Variants in SLC2A13 observed in about 807,000 individuals in gnomAD.
The protein encoded by SLC2A13 is proton myo-inositol cotransporter.
In SLC2A13, 32 loss-of-function variants were observed where a neutral mutation model predicts 64.4. The ratio of observed to expected loss-of-function variants is 0.50; its 90% CI spans 0.37 to 0.67. SLC2A13 has a LOEUF of 0.67. SLC2A13 is among the 30% of genes least tolerant of loss of function. The pLI is 0.00. For synonymous variants in SLC2A13, 338 were observed against 327.1 expected (o/e 1.03, Z -0.36); for missense variants, 743 against 829.2 (o/e 0.90, Z 1.28).
chr12:40,103,343 T>C (rs929534490), intron 1 of SLC2A13, among the ~76,000 whole-genome samples: 2 of 152,234 alleles, frequency 1.3e-5, no homozygotes, highest in African/African-American at 2.4e-5. Flanking sequence ...TAAGAGCTTC[T>C]GGCTTCCCTC....
intron 7 of SLC2A13, among the ~76,000 whole-genome samples, chr12:39,820,139 T>C (rs117739265): frequency 0.013 from 1,963 of 151,866 alleles, 21 homozygotes; most frequent in Non-Finnish European, 0.018. Context: ...AGAAAAAAAA[T>C]GTAATTTTTG....
chr12:40,045,688 G>C (rs1474253103), intron 2 of SLC2A13, among the ~76,000 whole-genome samples: 1 of 151,984 alleles, frequency 6.6e-6, no homozygotes, highest in Non-Finnish European at 1.5e-5. Context: ...TATATCAACG[G>C]GAGTTAGTTT....
Position 40,028,492 on chromosome 12 carries a change from G to C in SLC2A13, c.734C>G (p.Ala245Gly), listed in dbSNP as rs1483434126. ...AAACTGTATAACCGCCGGAACTGCT[G>C]CAAGTCCCAACATGTACCTGCAAAG... ...KDGWRYMLGL[A>G]AVPAVIQFFG... Residue 245 changes from alanine to glycine, a missense_variant, in exon 3 of 10, where the codon GCA becomes GGA. Around this residue, in one of 2 missense-constraint regions of SLC2A13, gnomAD observed 448 missense variants for 447.4 expected, o/e 1.00. Coordinates refer to ENST00000280871, the MANE Select transcript of SLC2A13 (RefSeq NM_052885.4). 6.2e-7 allele frequency: 1 copy of C among 1,613,872 alleles called. No homozygotes were observed.
At chr12:39,907,627 C>A (rs1208255865) in intron 4 of SLC2A13, 1 of 152,106 alleles carries the variant, frequency 6.6e-6, no homozygotes, top group African/African-American at 2.4e-5. Context: ...AATTCCTCTA[C>A]CCATAGATTA....
At chr12:39,999,444 G>T (rs779693425) in intron 3 of SLC2A13, among the ~76,000 whole-genome samples, 3 of 152,012 alleles carry the variant, frequency 2.0e-5, no homozygotes, top group Non-Finnish European at 4.4e-5. Flanking sequence ...ATGGGGGGAG[G>T]TCTACAAACA....
intron 4 of SLC2A13, among the ~76,000 whole-genome samples, chr12:39,938,074 A>T (rs541920939): frequency 2.6e-4 from 40 of 152,262 alleles, no homozygotes; most frequent in African/African-American, 8.9e-4. Context: ...AAGAAGGTGG[A>T]TTAACGGTGG....
At chr12:39,856,589 G>A (rs1190380406) in intron 6 of SLC2A13, among the ~76,000 whole-genome samples, 3 of 152,174 alleles carry the variant, frequency 2.0e-5, no homozygotes, top group Middle Eastern at 3.4e-3. Flanking sequence ...GGATGGTCTC[G>A]ATCTCTTGAC....
chr12:40,105,419 C>T lies in SLC2A13; in HGVS notation c.390G>A (p.Ala130=), dbSNP rs781318834. Residue 130 remains alanine (A), a synonymous_variant, in exon 1 of 10, where the codon GCG becomes GCA. Transcript: ENST00000280871. The surrounding 1 kb of genome is among the most constrained non-coding windows in gnomAD (Gnocchi z 4.2). Reference sequence around the variant, plus strand: ...CTCCGGCCAGCGCCGAGACGGCAGCCGCCCCCACCGTGCTGGACACCAGCA... The same window carrying T: ...CTCCGGCCAGCGCCGAGACGGCAGCTGCCCCCACCGTGCTGGACACCAGCA... The part of the protein sequence containing the change: ...QELLVSSTVG[A]AAVSALAGGA... 6.5e-7 allele frequency: 1 copy of T among 1,549,670 alleles called. No homozygotes were observed. The highest frequency in any genetic ancestry group is 1.2e-5 in the South Asian group (1 of 84,504).
rs73272589 is a variant in SLC2A13, at chr12:39,798,014, T to C, written c.1445+32089A>G. ...AATTTGATATTATGGAATGATGAAGTGTGACTTCAGAAGCTAAGATCAAAG... is the reference window on the plus strand; with the variant it reads ...AATTTGATATTATGGAATGATGAAGCGTGACTTCAGAAGCTAAGATCAAAG... On this transcript the variant is annotated intron_variant, in intron 7 of 9. Coordinates refer to ENST00000280871, the MANE Select transcript of SLC2A13 (RefSeq NM_052885.4). Among the ~76,000 whole-genome samples, 1,134 of 152,284 alleles carry C rather than the reference T, an allele frequency of 7.4e-3. 13 individuals are homozygous for C. Among genetic ancestry groups the C allele is most frequent in the African/African-American group, 0.026 (1,087 of 41,556 alleles).
intron 4 of SLC2A13, among the ~76,000 whole-genome samples, chr12:39,917,843 C>T (rs1257662433): frequency 6.6e-6 from 1 of 152,020 alleles, no homozygotes; most frequent in Non-Finnish European, 1.5e-5. Context: ...AATATAACCT[C>T]TTCCTCTTCT....
intron 3 of SLC2A13, among the ~76,000 whole-genome samples, chr12:39,954,859 C>A (rs1946290844): frequency 1.3e-5 from 2 of 152,256 alleles, no homozygotes; most frequent in South Asian, 4.1e-4. Context: ...AATATTAATA[C>A]TTGAAAGAAA....
chr12:40,090,694 C>T (rs948320899), intron 1 of SLC2A13, among the ~76,000 whole-genome samples: 10 of 152,058 alleles, frequency 6.6e-5, no homozygotes, highest in Non-Finnish European at 1.5e-4. Context: ...GCATAATTAC[C>T]AAACAAATGT....
chr12:39,966,020 G>A (rs1946504972), intron 3 of SLC2A13, among the ~76,000 whole-genome samples: 1 of 151,614 alleles, frequency 6.6e-6, no homozygotes, highest in Admixed American at 6.6e-5. Flanking sequence ...TGTCCATAAG[G>A]AGGTCATTAA....
At chr12:40,024,203 G>A (rs974999229) in intron 3 of SLC2A13, among the ~76,000 whole-genome samples, 2 of 152,174 alleles carry the variant, frequency 1.3e-5, no homozygotes, top group African/African-American at 4.8e-5. Context: ...CAAAATGATG[G>A]AAATCATATT....
At chr12:40,055,918 C>A (rs142727686) in intron 1 of SLC2A13, among the ~76,000 whole-genome samples, 53 of 151,378 alleles carry the variant, frequency 3.5e-4, no homozygotes, top group African/African-American at 1.2e-3. Context: ...AGGAGACCAA[C>A]TGAGTGGAAG....
At chr12:40,088,162 CAT>C (rs2136293276) in intron 1 of SLC2A13, among the ~76,000 whole-genome samples, 1 of 152,200 alleles carries the variant, frequency 6.6e-6, no homozygotes, top group Non-Finnish European at 1.5e-5. Context: ...TTCTTTAAGA[CAT>C]AAAGCTCAAA....
chr12:40,048,011 T>C, intron 2 of SLC2A13, 40 bp downstream of exon 2: 1 of 1,543,564 alleles, frequency 6.5e-7, no homozygotes, highest in Non-Finnish European at 8.7e-7. Flanking sequence ...TTCCCCAAAA[T>C]CAAGATTTGA....
In SLC2A13 at chr12:40,030,240, C is replaced by T. The variant is rs28370793; in HGVS notation, c.717-1731G>A. Among the ~76,000 whole-genome samples, 1,496 of 152,236 alleles carry T rather than the reference C, an allele frequency of 9.8e-3. 20 individuals are homozygous for T. Among genetic ancestry groups the T allele is most frequent in the African/African-American group, 0.034 (1,420 of 41,530 alleles). The stretch of plus-strand genomic sequence containing the variant: ...TTCATTATTCTAGATATAACTGGAC[C>T]GTCTCTTCTGGAAGAGTCCTCGGAT... On this transcript the variant is annotated intron_variant, in intron 2 of 9. Coordinates refer to ENST00000280871, the MANE Select transcript of SLC2A13 (RefSeq NM_052885.4).
intron 6 of SLC2A13, chr12:39,830,558 C>T: frequency 1.1e-6 from 1 of 905,798 alleles, no homozygotes; most frequent in African/African-American, 1.7e-5. Context: ...TGTTACCAAA[C>T]TGTAGACTGC....
Sources: allele counts gnomAD v4.1 joint callset (sites outside exome capture counted in the v4.1 genomes callset), GRCh38; gene constraint gnomAD v4.1.1; regional missense constraint gnomAD v4.1.1; non-coding constraint Gnocchi (gnomAD v3.1); transcripts MANE v1.5; gene names NCBI Gene and HGNC (gene_info 2026-07-23, HGNC 2026-07-21).